Variants in RBFOX2 observed in about 807,000 individuals in gnomAD.
The protein encoded by RBFOX2 is RNA binding protein fox-1 homolog 2.
In RBFOX2, 10 loss-of-function variants were observed where a neutral mutation model predicts 49.1. That is an observed-to-expected ratio of 0.20 (90% CI 0.13 to 0.35). The LOEUF (loss-of-function observed/expected upper bound fraction) is 0.35. RBFOX2 is among the 10% of genes least tolerant of loss of function. RBFOX2 has a pLI of 1.00. For missense variants in RBFOX2, 323 were observed against 486.9 expected, an observed-to-expected ratio of 0.66 and a Z score of 3.17; for synonymous variants, 183 against 187.4, an observed-to-expected ratio of 0.98 and a Z score of 0.19.
chr22:35,980,016 C>T (rs576526493), intron 1 of RBFOX2, among the ~76,000 whole-genome samples: 1 of 152,126 alleles, frequency 6.6e-6, no homozygotes, highest in Non-Finnish European at 1.5e-5. Context: ...ACAGAGATAG[C>T]CTTTACTTAT....
intron 2 of RBFOX2, among the ~76,000 whole-genome samples, chr22:35,797,220 A>C (rs967454843): frequency 6.6e-6 from 1 of 152,186 alleles, no homozygotes; most frequent in Non-Finnish European, 1.5e-5. Context: ...ATACATATAT[A>C]GGGGCAATAA....
intron 1 of RBFOX2, among the ~76,000 whole-genome samples, chr22:35,858,599 G>A (rs990273593): frequency 1.3e-5 from 2 of 152,114 alleles, no homozygotes; most frequent in Non-Finnish European, 2.9e-5. Flanking sequence ...GTCGAGGTGG[G>A]TGGATCATTT....
At chr22:35,924,803 T>C (rs1438087660) in intron 1 of RBFOX2, among the ~76,000 whole-genome samples, 1 of 152,238 alleles carries the variant, frequency 6.6e-6, no homozygotes. Flanking sequence ...GAGAGAACTC[T>C]TGTTCTTACA....
At chr22:35,957,290 TAAC>T (rs2055678273) in intron 1 of RBFOX2, among the ~76,000 whole-genome samples, 1 of 152,256 alleles carries the variant, frequency 6.6e-6, no homozygotes, top group Admixed American at 6.5e-5. Context: ...GTGGCCCTGT[TAAC>T]AATAATAATA....
intron 1 of RBFOX2, among the ~76,000 whole-genome samples, chr22:36,019,222 G>A (rs2059156242): frequency 6.6e-6 from 1 of 152,158 alleles, no homozygotes; most frequent in African/African-American, 2.4e-5. Context: ...CTGTGATACT[G>A]CAGCAGTCCT....
intron 3 of RBFOX2, among the ~76,000 whole-genome samples, chr22:35,781,383 T>C (rs991675880): frequency 6.6e-6 from 1 of 152,198 alleles, no homozygotes; most frequent in Non-Finnish European, 1.5e-5. Flanking sequence ...AGCTGGGTCA[T>C]ATCGCCACCT....
intron 5 of RBFOX2, 121 bp downstream of exon 6, chr22:35,768,136 A>C (rs534053281): frequency 1.3e-5 from 13 of 1,023,402 alleles, no homozygotes; most frequent in Middle Eastern, 3.0e-4. Context: ...CAGAGATACA[A>C]ACACACATAC....
chr22:35,969,633 T>C lies in RBFOX2; in HGVS notation c.187-30736A>G, dbSNP rs189273563. On this transcript the variant is annotated intron_variant, in intron 1 of 13. Transcript: ENST00000438146. ...CTCTCCATAAACATGACAAAATGGT[T>C]TGCCTCCTTCCTCTCTCCAGCATCG... 2.6e-5 allele frequency among the ~76,000 whole-genome samples: 4 copies of C among 152,316 alleles called. No individual in the cohort carries two copies. The East Asian group carries it at 7.7e-4, about 29-fold the overall frequency.
chr22:35,851,455 A>G (rs2041925473), intron 1 of RBFOX2, among the ~76,000 whole-genome samples: 1 of 152,242 alleles, frequency 6.6e-6, no homozygotes, highest in South Asian at 2.1e-4. Flanking sequence ...ACACAGGCAA[A>G]GCCAAAAAGC....
At chr22:35,832,604 A>G (rs1362966785) in intron 1 of RBFOX2, among the ~76,000 whole-genome samples, 2 of 152,096 alleles carry the variant, frequency 1.3e-5, no homozygotes, top group African/African-American at 4.8e-5. Context: ...ATGCAGAGGC[A>G]GGCAGATCAC....
chr22:35,813,468 C>T (rs1048433097), intron 1 of RBFOX2, among the ~76,000 whole-genome samples: 2 of 152,192 alleles, frequency 1.3e-5, no homozygotes, highest in Non-Finnish European at 2.9e-5. Context: ...AAATTACTAG[C>T]TTTCTCTTTA....
chr22:36,011,908 G>C (rs182990293), intron 1 of RBFOX2, among the ~76,000 whole-genome samples: 1 of 152,264 alleles, frequency 6.6e-6, no homozygotes, highest in East Asian at 1.9e-4. Flanking sequence ...CTGAGCCTGA[G>C]ATACACTGTC....
intron 1 of RBFOX2, among the ~76,000 whole-genome samples, chr22:35,950,470 T>C (rs73415721): frequency 0.06 from 9,130 of 152,246 alleles, 969 homozygotes; most frequent in African/African-American, 0.21. Context: ...GCTCCTACAA[T>C]GGACAGCAGC....
At chr22:35,905,527 C>G (rs1314675848) in intron 1 of RBFOX2, among the ~76,000 whole-genome samples, 2 of 152,084 alleles carry the variant, frequency 1.3e-5, no homozygotes, top group Non-Finnish European at 2.9e-5. Context: ...ATCTTAAATA[C>G]CTTGGTCTTT....
At chr22:35,846,807 G>A (rs1010408496) in intron 1 of RBFOX2, among the ~76,000 whole-genome samples, 16 of 152,152 alleles carry the variant, frequency 1.1e-4, no homozygotes, top group African/African-American at 3.9e-4. Flanking sequence ...CAATTTTCTA[G>A]ATGCCTAATA....
At chr22:35,980,602 A>C (rs572613491) in intron 1 of RBFOX2, among the ~76,000 whole-genome samples, 1 of 114,744 alleles carries the variant, frequency 8.7e-6, no homozygotes, top group South Asian at 3.0e-4. Flanking sequence ...GGTGAAAATT[A>C]AGCGGTTTTC....
At chr22:36,010,687 A>G (rs961764160) in intron 1 of RBFOX2, among the ~76,000 whole-genome samples, 1 of 151,324 alleles carries the variant, frequency 6.6e-6, no homozygotes, top group African/African-American at 2.4e-5. Context: ...CCTAAGTTTG[A>G]TATCATTAAC....
chr22:35,859,562 T>G (rs1012581923), intron 1 of RBFOX2, among the ~76,000 whole-genome samples: 5 of 152,190 alleles, frequency 3.3e-5, no homozygotes, highest in African/African-American at 1.2e-4. Flanking sequence ...TGACACATGG[T>G]ACAGAAAGGA....
rs1934118236 is a variant in RBFOX2 at position 35,749,532 on chromosome 22, C to A, written c.888-2971G>T. 6.6e-6 allele frequency among the ~76,000 whole-genome samples: 1 copy of A among 151,496 alleles called. No homozygotes were observed. The highest frequency in any genetic ancestry group is 2.1e-4 in the South Asian group (1 of 4,810). ...TTACACACACACACGCACACACACA[C>A]ATACACTTACTCGAAAGTATTTTTG... is the stretch of plus-strand genomic sequence containing the variant. On this transcript the variant is annotated intron_variant, in intron 9 of 11. Transcript: ENST00000405409. This position sits in a 1 kb window ranked among gnomAD's most constrained non-coding sequence, Gnocchi z 4.1.
Sources: gnomAD v4.1 joint callset for allele counts (sites outside exome capture counted in the v4.1 genomes callset) on GRCh38, gnomAD v4.1.1 for gene constraint, Gnocchi (gnomAD v3.1) non-coding constraint, MANE v1.5 for transcripts, NCBI Gene and HGNC (gene_info 2026-07-23, HGNC 2026-07-21) for gene names.